ATIC: variants seen among roughly 807,000 people sequenced by gnomAD.
ATIC encodes bifunctional purine biosynthesis protein ATIC.
Under a neutral mutation model 72.5 loss-of-function variants are expected in ATIC, and 64 were observed. The ratio of observed to expected loss-of-function variants is 0.88; its 90% confidence interval spans 0.72 to 1.09. The LOEUF is 1.09. Among genes scored for constraint, ATIC ranks in the 50% least tolerant of loss-of-function variants. ATIC has a pLI of 0.00. For missense variants in ATIC, 787 were observed against 732.4 expected (o/e 1.07, Z -0.86); for synonymous variants, 281 against 267.1 (o/e 1.05, Z -0.51).
the ATIC span, among the ~76,000 whole-genome samples, chr2:215,356,441 A>G: frequency 1.3e-5 from 2 of 152,296 alleles, no homozygotes; most frequent in South Asian, 4.1e-4. Flanking sequence ...CTGAAGTGGC[A>G]TTTTTTAAGA....
intron 10 of ATIC, among the ~76,000 whole-genome samples, chr2:215,335,283 T>C (rs1305719152): frequency 6.6e-6 from 1 of 152,196 alleles, no homozygotes; most frequent in African/African-American, 2.4e-5. Context: ...AAAGTTACTG[T>C]TTCTGAAGAG....
intron 7 of ATIC, among the ~76,000 whole-genome samples, chr2:215,330,431 TC>T (rs1361805506): frequency 6.6e-6 from 1 of 152,178 alleles, no homozygotes; most frequent in African/African-American, 2.4e-5. Context: ...ATACCCCGCT[TC>T]CCCGCAGTTT....
chr2:215,332,424 T>C lies in ATIC; in HGVS notation c.731T>C (p.Leu244Ser). 1 of 1,614,166 alleles carries C rather than the reference T, an allele frequency of 6.2e-7. No individual in the cohort carries two copies. The highest frequency in any genetic ancestry group is 8.5e-7 in the Non-Finnish European group (1 of 1,180,034). ...GGATTTATAAACTTGTGCGATGCTT[T>C]GAACGCCTGGCAGCTGGTGAAGGAA... ...APGFINLCDA[L>S]NAWQLVKELK... is the part of the protein sequence containing the mutation. Residue 244 changes from leucine to serine, a missense_variant, in exon 8 of 16, where the codon TTG becomes TCG. Coordinates refer to ENST00000236959, the MANE Select transcript of ATIC (RefSeq NM_004044.7).
intron 2 of ATIC, among the ~76,000 whole-genome samples, chr2:215,317,689 A>G (rs541927515): frequency 6.6e-6 from 1 of 151,976 alleles, no homozygotes; most frequent in Non-Finnish European, 1.5e-5. Context: ...GGGTTTCATC[A>G]TGTTGGCCAG....
chr2:215,318,208 A>T lies in ATIC; in HGVS notation c.198A>T (p.Lys66Asn), dbSNP rs775716964. ...CTGAAATGTTGGGGGGACGTGTGAAAACTTTGCATCCTGCAGTCCATGCTG... is the reference window on the plus strand; with the variant it reads ...CTGAAATGTTGGGGGGACGTGTGAATACTTTGCATCCTGCAGTCCATGCTG... ...GFPEMLGGRV[K>N]TLHPAVHAGI... is the part of the protein sequence containing the mutation. The change falls in exon 3 of 16, where the codon AAA becomes AAT. Residue 66 changes from lysine (K) to asparagine (N), a missense_variant. Physicochemically the swap from Lys to Asn is moderately conservative, Grantham distance 94. Coordinates refer to ENST00000236959, the MANE Select transcript of ATIC (RefSeq NM_004044.7). 154 of 1,613,978 alleles carry T rather than the reference A, an allele frequency of 9.5e-5. No homozygotes were observed. Among genetic ancestry groups the T allele is most frequent in the Admixed American group, 1.5e-4 (9 of 59,998 alleles).
At chr2:215,362,680 T>C in the ATIC span, 1 of 155,212 alleles carries the variant, frequency 6.4e-6, no homozygotes. Flanking sequence ...TGGCCGGAGA[T>C]GGCATGGGAG....
intron 14 of ATIC, chr2:215,348,640 T>G: frequency 2.3e-6 from 1 of 429,128 alleles, no homozygotes; most frequent in Non-Finnish European, 4.6e-6. Context: ...TATGTGAACT[T>G]CCATGTAAAT....
chr2:215,344,933 T>C (rs1224015799), intron 13 of ATIC, 62 bp downstream of exon 13: 1 of 1,497,316 alleles, frequency 6.7e-7, no homozygotes, highest in East Asian at 2.3e-5. Flanking sequence ...TATTTAAACA[T>C]CCGTCTGCCT....
intron 3 of ATIC, 100 bp from the exon 4 acceptor site, chr2:215,319,565 C>T: frequency 3.3e-6 from 3 of 904,394 alleles, no homozygotes; most frequent in Non-Finnish European, 1.8e-6. Flanking sequence ...TTTTTTTAAT[C>T]AATGGGATTT....
chr2:215,331,799 A>G (rs2052897801), intron 7 of ATIC, among the ~76,000 whole-genome samples: 1 of 152,158 alleles, frequency 6.6e-6, no homozygotes, highest in Admixed American at 6.6e-5. Context: ...GAAACTAGGT[A>G]ATGGAAAACT....
the ATIC span, chr2:215,361,570 T>G: frequency 6.2e-7 from 1 of 1,608,738 alleles, no homozygotes; most frequent in Non-Finnish European, 8.5e-7. Flanking sequence ...CTCGGGAATC[T>G]TCTCTGTCAG....
At chr2:215,343,695 G>A (rs2053043438) in intron 12 of ATIC, among the ~76,000 whole-genome samples, 1 of 152,042 alleles carries the variant, frequency 6.6e-6, no homozygotes, top group African/African-American at 2.4e-5. Flanking sequence ...TTGGATATGA[G>A]GTTTGTTAAT....
In ATIC at chr2:215,331,887, A is replaced by T. The variant is rs144466127; in HGVS notation, c.689-495A>T. Among the ~76,000 whole-genome samples the T allele has an allele frequency of 3.9e-5, 6 of 152,332 alleles. No homozygotes were observed. In the East Asian group the frequency reaches 1.2e-3, roughly 29 times the overall value. ...GAGTTTGCCATCAAAGAAGAAAGAA[A>T]AAACACATTATTTCTTCTCTTCTTC... is the stretch of plus-strand genomic sequence containing the variant. On this transcript the variant is annotated intron_variant, in intron 7 of 15. Transcript: ENST00000236959.
At chr2:215,333,534 G>A in intron 9 of ATIC, 77 bp downstream of exon 9, 1 of 1,146,200 alleles carries the variant, frequency 8.7e-7, no homozygotes, top group South Asian at 1.5e-5. Flanking sequence ...AAAGAGGATA[G>A]AATAAAGAAA....
chr2:215,361,503 A>T, the ATIC span: 6 of 1,273,118 alleles, frequency 4.7e-6, no homozygotes, highest in East Asian at 1.2e-4. Flanking sequence ...ACTCCAGTTT[A>T]GATGGATCTT....
At chr2:215,364,639 G>C in the ATIC span, 9 of 569,080 alleles carry the variant, frequency 1.6e-5, no homozygotes. Context: ...TTGTGTTTTT[G>C]GTACTCTACA....
chr2:215,336,212 C>T (rs1266662742), intron 11 of ATIC, 88 bp downstream of exon 11: 2 of 1,001,754 alleles, frequency 2.0e-6, no homozygotes, highest in Non-Finnish European at 3.2e-6. Flanking sequence ...TATACTCATA[C>T]CCTTCTAGTT....
intron 12 of ATIC, among the ~76,000 whole-genome samples, chr2:215,342,033 T>G (rs1048914209): frequency 2.0e-5 from 3 of 152,292 alleles, no homozygotes; most frequent in African/African-American, 4.8e-5. Context: ...CTCATGAGAC[T>G]CATTCATTGT....
At chr2:215,327,822 G>A (rs1255506896) in intron 7 of ATIC, among the ~76,000 whole-genome samples, 7 of 152,140 alleles carry the variant, frequency 4.6e-5, no homozygotes. Flanking sequence ...GGAGCAGCGT[G>A]CCAGGTGGGA....
Sources: gnomAD v4.1 joint callset for allele counts (sites outside exome capture counted in the v4.1 genomes callset) on GRCh38, gnomAD v4.1.1 for gene constraint, MANE v1.5 for transcripts, NCBI Gene and HGNC (gene_info 2026-07-23, HGNC 2026-07-21) for gene names.